ADAMTSL1: variants seen among roughly 807,000 people sequenced by gnomAD.
ADAMTSL1 encodes ADAMTS like 1, also known as ADAMTS-like protein 1.
ADAMTSL1 carries 126 observed loss-of-function variants against 201.8 expected under a neutral mutation model. That is an observed-to-expected ratio of 0.62 (90% CI 0.54 to 0.72). The LOEUF is 0.72. ADAMTSL1 is among the 30% of genes least tolerant of loss of function. The probability of loss-of-function intolerance (pLI) is 0.00; values close to 1 mark genes in which losing one functional copy is unlikely to be tolerated. For synonymous variants in ADAMTSL1, 1,121 were observed against 903.4 expected (o/e 1.24, Z -4.32); for missense variants, 2,679 against 2,277.8 (o/e 1.18, Z -3.59).
intron 2 of ADAMTSL1, among the ~76,000 whole-genome samples, chr9:18,304,058 A>T (rs1322109869): frequency 6.6e-6 from 1 of 152,148 alleles, no homozygotes; most frequent in Non-Finnish European, 1.5e-5. Flanking sequence ...TAAATCTTTC[A>T]GGGTCTATTT....
intron 11 of ADAMTSL1, 122 bp downstream of exon 11, chr9:18,680,638 C>T: frequency 9.6e-7 from 1 of 1,045,492 alleles, no homozygotes; most frequent in South Asian, 1.5e-5. Context: ...AGAAGCCTAC[C>T]AGCTTAGCTC....
chr9:18,236,877 C>G (rs1365444258), intron 2 of ADAMTSL1, among the ~76,000 whole-genome samples: 1 of 152,148 alleles, frequency 6.6e-6, no homozygotes, highest in East Asian at 1.9e-4. Flanking sequence ...TAAAGAAATA[C>G]AAAGGATCTG....
At chr9:18,485,539 A>G (rs1821946260) in intron 1 of ADAMTSL1, among the ~76,000 whole-genome samples, 1 of 152,228 alleles carries the variant, frequency 6.6e-6, no homozygotes, top group Admixed American at 6.5e-5. Flanking sequence ...AGTAGCACAA[A>G]GAAGAAAACA....
intron 2 of ADAMTSL1, among the ~76,000 whole-genome samples, chr9:18,267,296 G>A (rs1442707184): frequency 9.2e-5 from 14 of 152,230 alleles, no homozygotes; most frequent in Non-Finnish European, 2.9e-5. Flanking sequence ...TATCAGCCAA[G>A]CTCAGTTCCA....
chr9:18,755,805 A>G (rs1293463450), intron 16 of ADAMTSL1, among the ~76,000 whole-genome samples: 2 of 152,060 alleles, frequency 1.3e-5, no homozygotes, highest in Non-Finnish European at 2.9e-5. Flanking sequence ...AGGATGAGTC[A>G]GGTTTAAGTT....
At chr9:18,147,246 A>G (rs1460824147) in intron 1 of ADAMTSL1, among the ~76,000 whole-genome samples, 1 of 152,244 alleles carries the variant, frequency 6.6e-6, no homozygotes, top group Non-Finnish European at 1.5e-5. Flanking sequence ...GAAAACCTAG[A>G]CTAATTTTTG....
intron 26 of ADAMTSL1, among the ~76,000 whole-genome samples, chr9:18,896,250 C>G (rs1355919725): frequency 6.6e-6 from 1 of 152,086 alleles, no homozygotes; most frequent in African/African-American, 2.4e-5. Context: ...GTTGAAAAAG[C>G]CAAAGGGACC....
chr9:18,194,664 C>T (rs1829101754), intron 2 of ADAMTSL1, among the ~76,000 whole-genome samples: 1 of 152,052 alleles, frequency 6.6e-6, no homozygotes, highest in Non-Finnish European at 1.5e-5. Flanking sequence ...GTATATGCCT[C>T]GTGGCCCAGG....
At chr9:18,024,297 T>A (rs1222830258) in intron 1 of ADAMTSL1, among the ~76,000 whole-genome samples, 1 of 152,080 alleles carries the variant, frequency 6.6e-6, no homozygotes, top group African/African-American at 2.4e-5. Context: ...TGAGGGTACA[T>A]CTGTGGTTTT....
At chr9:18,243,271 C>T (rs1051929864) in intron 2 of ADAMTSL1, among the ~76,000 whole-genome samples, 2 of 152,016 alleles carry the variant, frequency 1.3e-5, no homozygotes, top group Admixed American at 1.3e-4. Flanking sequence ...AAAATGGTTG[C>T]CACATTCCTT....
chr9:18,746,500 A>C (rs1333935746), intron 15 of ADAMTSL1, among the ~76,000 whole-genome samples: 1 of 152,234 alleles, frequency 6.6e-6, no homozygotes, highest in Non-Finnish European at 1.5e-5. Flanking sequence ...ACTTCTAAAA[A>C]ATAACTTCAG....
chr9:18,283,317 A>G (rs763688000), intron 2 of ADAMTSL1, among the ~76,000 whole-genome samples: 1 of 152,066 alleles, frequency 6.6e-6, no homozygotes, highest in Non-Finnish European at 1.5e-5. Context: ...CTTTAAACCT[A>G]TCTTTAACCA....
chr9:18,230,129 G>A (rs1313864272), intron 2 of ADAMTSL1, among the ~76,000 whole-genome samples: 1 of 152,134 alleles, frequency 6.6e-6, no homozygotes, highest in East Asian at 1.9e-4. Flanking sequence ...AAGCAAACAG[G>A]TAATTTTATA....
intron 1 of ADAMTSL1, among the ~76,000 whole-genome samples, chr9:18,035,030 T>C (rs1313708499): frequency 6.6e-6 from 1 of 152,204 alleles, no homozygotes; most frequent in African/African-American, 2.4e-5. Context: ...CCCAACTGTC[T>C]CTTGGTTCAC....
chr9:18,887,553 C>A (rs1041433940), intron 23 of ADAMTSL1, among the ~76,000 whole-genome samples: 2 of 152,040 alleles, frequency 1.3e-5, no homozygotes, highest in African/African-American at 4.8e-5. Context: ...TTAATTGTAT[C>A]TTTTTTTAAA....
intron 2 of ADAMTSL1, among the ~76,000 whole-genome samples, chr9:18,390,685 C>A (rs1455357415): frequency 6.6e-6 from 1 of 152,166 alleles, no homozygotes; most frequent in African/African-American, 2.4e-5. Flanking sequence ...GAGAAATCTT[C>A]CCCACCTCCC....
At chr9:18,439,526 C>G (rs1222205254) in intron 2 of ADAMTSL1, among the ~76,000 whole-genome samples, 1 of 152,048 alleles carries the variant, frequency 6.6e-6, no homozygotes, top group Non-Finnish European at 1.5e-5. Context: ...GCCACCACAC[C>G]CAGCTAATTT....
At chr9:18,290,880 C>G (rs1833231609) in intron 2 of ADAMTSL1, among the ~76,000 whole-genome samples, 2 of 150,800 alleles carry the variant, frequency 1.3e-5, no homozygotes, top group African/African-American at 4.9e-5. Context: ...CTCCCAGGTT[C>G]ACGCCATTCT....
chr9:18,588,968 G>A (rs539574393), intron 4 of ADAMTSL1, among the ~76,000 whole-genome samples: 27 of 140,722 alleles, frequency 1.9e-4, no homozygotes, highest in African/African-American at 6.1e-4. Context: ...GTAGTGTAGT[G>A]GTGCAATCTT....
Sources: gnomAD v4.1 joint callset for allele counts (sites outside exome capture counted in the v4.1 genomes callset) on GRCh38, gnomAD v4.1.1 for gene constraint, MANE v1.5 for transcripts, NCBI Gene and HGNC (gene_info 2026-07-23, HGNC 2026-07-21) for gene names.